Variants in OTUD7A observed in about 807,000 individuals in gnomAD.
The protein encoded by OTUD7A is OTU domain-containing protein 7A.
A neutral mutation model predicts 65.7 loss-of-function variants in OTUD7A; 12 were observed. The ratio of observed to expected loss-of-function variants is 0.18; its 90% CI spans 0.12 to 0.30. The LOEUF is 0.30. OTUD7A is among the 10% of genes least tolerant of loss of function. The probability of loss-of-function intolerance (pLI) is 1.00; values close to 1 mark genes in which losing one functional copy is unlikely to be tolerated. For synonymous variants in OTUD7A, 641 were observed against 586.3 expected (o/e 1.09, Z -1.35); for missense variants, 1,148 against 1,304.8 (o/e 0.88, Z 1.85).
intron 1 of OTUD7A, among the ~76,000 whole-genome samples, chr15:31,670,713 C>T (rs1356367729): frequency 5.9e-5 from 9 of 152,138 alleles, no homozygotes; most frequent in East Asian, 1.9e-4. Flanking sequence ...TTCTCCCGGC[C>T]GGGCGCGGTG....
intron 1 of OTUD7A, among the ~76,000 whole-genome samples, chr15:31,726,014 T>G (rs1893872573): frequency 6.6e-6 from 1 of 151,956 alleles, no homozygotes; most frequent in African/African-American, 2.4e-5. Flanking sequence ...ACTCTCAGAT[T>G]TATAATTCTA....
intron 1 of OTUD7A, among the ~76,000 whole-genome samples, chr15:31,807,833 T>A (rs1896310677): frequency 6.6e-6 from 1 of 151,738 alleles, no homozygotes; most frequent in Non-Finnish European, 1.5e-5. Context: ...ACAAATACAC[T>A]GAAGCCTCAC....
At chr15:31,578,678 A>G (rs2141181534) in intron 3 of OTUD7A, among the ~76,000 whole-genome samples, 1 of 152,160 alleles carries the variant, frequency 6.6e-6, no homozygotes, top group East Asian at 1.9e-4. Flanking sequence ...CAGCCTCCCA[A>G]GTAGCTGGGA....
At chr15:31,813,027 C>T (rs1408546607) in intron 1 of OTUD7A, among the ~76,000 whole-genome samples, 2 of 152,236 alleles carry the variant, frequency 1.3e-5, no homozygotes, top group African/African-American at 2.4e-5. Context: ...TGGCCACTTT[C>T]GGAACCCAAC....
At position 31,835,533 on chromosome 15, in the gene OTUD7A, T is replaced by G. The variant is rs146570663; in HGVS notation, c.-100+34974A>C. Among the ~76,000 whole-genome samples the G allele has an allele frequency of 5.3e-3, 800 of 152,310 alleles. 5 individuals carry two copies. The highest frequency in any genetic ancestry group is 0.017 in the African/African-American group (712 of 41,556). On this transcript the variant is annotated intron_variant, in intron 1 of 12. Coordinates refer to ENST00000307050, the MANE Select transcript of OTUD7A (RefSeq NM_001382637.1). ...AAGTACAAGGCAGCCAGGGTTGGTC[T>G]TCATTGACAAGAAATGCAAGTATGC...
chr15:31,653,624 G>A (rs1891905894), intron 3 of OTUD7A, among the ~76,000 whole-genome samples: 1 of 149,682 alleles, frequency 6.7e-6, no homozygotes, highest in African/African-American at 2.5e-5. Context: ...GATTATAAAA[G>A]ACATCAGGAC....
chr15:31,524,549 G>A (rs1400539481), intron 8 of OTUD7A, among the ~76,000 whole-genome samples: 1 of 143,454 alleles, frequency 7.0e-6, no homozygotes, highest in Non-Finnish European at 1.5e-5. Flanking sequence ...CCCCACCTGT[G>A]CTCGCCTCCC....
At chr15:31,772,168 C>T (rs1207650415) in intron 1 of OTUD7A, among the ~76,000 whole-genome samples, 1 of 146,418 alleles carries the variant, frequency 6.8e-6, no homozygotes, top group Non-Finnish European at 1.5e-5. Context: ...AGGAGAATGG[C>T]GTGAACCCGG....
At chr15:31,614,043 C>T (rs1211164020) in intron 3 of OTUD7A, among the ~76,000 whole-genome samples, 1 of 152,124 alleles carries the variant, frequency 6.6e-6, no homozygotes, top group Non-Finnish European at 1.5e-5. Flanking sequence ...AGTGAAGTAA[C>T]TCAGGAATGA....
rs1174398372 is a variant in OTUD7A, at chr15:31,569,928, C to A, written c.331+90G>T. The stretch of plus-strand genomic sequence containing the variant: ...TATGTCTGCATCCGGGAGGTGATGA[C>A]CCCACCATTCTTTGTACCACGCAAC... On this transcript the variant is annotated intron_variant, in intron 4 of 12. Coordinates refer to ENST00000307050, the MANE Select transcript of OTUD7A (RefSeq NM_001382637.1). The A allele has an allele frequency of 4.2e-6, 6 of 1,427,900 alleles. No homozygotes were observed. In the Admixed American group the frequency reaches 5.6e-5, roughly 13 times the overall value. 88.5% of individuals were successfully genotyped at this position (1,427,900 alleles called of 1,614,324 possible).
At chr15:31,739,051 C>T (rs201827168) in intron 1 of OTUD7A, among the ~76,000 whole-genome samples, 87 of 850 alleles carry the variant, frequency 0.1, no homozygotes, top group African/African-American at 0.11. Context: ...TGAAAGCACA[C>T]ATTTCTGGGG....
chr15:31,775,873 T>C (rs1895365757), intron 1 of OTUD7A, among the ~76,000 whole-genome samples: 1 of 152,200 alleles, frequency 6.6e-6, no homozygotes, highest in South Asian at 2.1e-4. Context: ...AGAGCCTTGA[T>C]TTCTCAAATT....
intron 8 of OTUD7A, among the ~76,000 whole-genome samples, chr15:31,516,784 T>A (rs1204989836): frequency 2.6e-5 from 4 of 152,196 alleles, no homozygotes; most frequent in Non-Finnish European, 5.9e-5. Context: ...ATATTTCTAG[T>A]TGGATCTCTC....
chr15:31,767,184 T>G (rs1209624239), intron 1 of OTUD7A: 1 of 1,164,464 alleles, frequency 8.6e-7, no homozygotes, highest in African/African-American at 1.5e-5. Context: ...ACTCAAATTG[T>G]TTAAGTGAAG....
At chr15:31,647,711 G>A (rs1322578536) in intron 3 of OTUD7A, among the ~76,000 whole-genome samples, 1 of 151,920 alleles carries the variant, frequency 6.6e-6, no homozygotes, top group Non-Finnish European at 1.5e-5. Context: ...ATTTCTGTCT[G>A]GCTGCTCATC....
intron 1 of OTUD7A, among the ~76,000 whole-genome samples, chr15:31,738,849 C>T (rs767265709): frequency 2.2e-4 from 33 of 152,196 alleles, no homozygotes; most frequent in Non-Finnish European, 1.6e-4. Context: ...TACTCTTCAG[C>T]GGACGATTTT....
intron 1 of OTUD7A, among the ~76,000 whole-genome samples, chr15:31,757,254 T>C (rs1894841373): frequency 6.6e-6 from 1 of 151,938 alleles, no homozygotes; most frequent in Admixed American, 6.6e-5. Context: ...AACCCCAAAG[T>C]TTGGGGAAGT....
chr15:31,821,580 TA>T (rs1896684279), intron 1 of OTUD7A, among the ~76,000 whole-genome samples: 1 of 152,192 alleles, frequency 6.6e-6, no homozygotes, highest in Admixed American at 6.5e-5. Flanking sequence ...ATAATGATAA[TA>T]AACACTCATG....
chr15:31,849,430 G>A (rs1212987624), intron 1 of OTUD7A, among the ~76,000 whole-genome samples: 1 of 152,146 alleles, frequency 6.6e-6, no homozygotes, highest in Non-Finnish European at 1.5e-5. Context: ...TTAAATGTTA[G>A]ACCTAAAACC....
Sources: gnomAD v4.1 joint callset for allele counts (sites outside exome capture counted in the v4.1 genomes callset) on GRCh38, gnomAD v4.1.1 for gene constraint, MANE v1.5 for transcripts, NCBI Gene and HGNC (gene_info 2026-07-23, HGNC 2026-07-21) for gene names.